NFASC: variants seen among roughly 807,000 people sequenced by gnomAD.
NFASC encodes neurofascin.
A neutral mutation model predicts 147.5 loss-of-function variants in NFASC; 43 were observed. The ratio of observed to expected loss-of-function variants is 0.29; its 90% CI spans 0.23 to 0.38. The LOEUF is 0.38. NFASC is among the 10% of genes least tolerant of loss of function. NFASC has a pLI of 1.00. For synonymous variants in NFASC, 622 were observed against 665.5 expected (o/e 0.93, Z 1.01); for missense variants, 1,320 against 1,689.0 (o/e 0.78, Z 3.83).
At chr1:204,845,621 G>A (rs1354275791) in intron 1 of NFASC, among the ~76,000 whole-genome samples, 1 of 152,118 alleles carries the variant, frequency 6.6e-6, no homozygotes, top group Admixed American at 6.5e-5. Context: ...TGAAACTCTG[G>A]CCAGGCATGG....
chr1:204,882,933 G>A (rs930171304), intron 1 of NFASC, among the ~76,000 whole-genome samples: 1 of 152,106 alleles, frequency 6.6e-6, no homozygotes, highest in African/African-American at 2.4e-5. Flanking sequence ...GCTCATGGGA[G>A]TCTGGGAGGT....
At chr1:204,982,155 G>T in intron 21 of NFASC, 135 bp downstream of exon 21, 1 of 533,254 alleles carries the variant, frequency 1.9e-6, no homozygotes. Context: ...GTTCTGTAGT[G>T]ACCTAGAGCA....
In NFASC at chr1:204,828,705, A is replaced by G; in HGVS notation, c.-277A>G. The G allele has an allele frequency of 2.0e-6, 2 of 985,008 alleles. No homozygotes were observed. Among genetic ancestry groups the G allele is most frequent in the Non-Finnish European group, 2.4e-6 (2 of 829,860 alleles). The allele number at this position is 985,008 out of a possible 1,614,324, so 61.0% of individuals were successfully genotyped here. A position where few individuals can be genotyped will look rare whatever the true frequency, so the allele number is the denominator to read the frequency against. On this transcript the variant is annotated 5_prime_UTR_variant, in exon 1 of 30. Coordinates refer to ENST00000339876, the MANE Select transcript of NFASC (RefSeq NM_001005388.3). ...GGCGGCTGGCGGCGAGAGGCGCTGC[A>G]GGGGACGCGGGGGAAGTGGCGGCGC...
chr1:204,951,136 CG>C (rs1000234949), intron 4 of NFASC, among the ~76,000 whole-genome samples: 1 of 149,664 alleles, frequency 6.7e-6, no homozygotes, highest in African/African-American at 2.5e-5. Flanking sequence ...AGTTTCTCCT[CG>C]GGATGCTATG....
intron 3 of NFASC, chr1:204,946,635 A>G (rs1254770018): frequency 7.9e-6 from 4 of 504,494 alleles, no homozygotes; most frequent in East Asian, 5.6e-5. Flanking sequence ...GGCCGAGGCC[A>G]TCTCCTGGGC....
chr1:204,971,161 C>T lies in NFASC; in HGVS notation c.1135+414C>T, dbSNP rs569881783. Among the ~76,000 whole-genome samples the T allele has an allele frequency of 3.3e-5, 5 of 152,188 alleles. No individual in the cohort carries two copies. The Middle Eastern group carries it at 0.01, about 311-fold the overall frequency. ...AACCCATTGTTGGTTACTCAAGTTC[C>T]GCTCTCTGCTAAGGGCAAAAGAAGA... On this transcript the variant is annotated intron_variant, in intron 11 of 29. Coordinates refer to ENST00000339876, the MANE Select transcript of NFASC (RefSeq NM_001005388.3).
chr1:204,956,476 A>G (rs2094437516), intron 7 of NFASC, among the ~76,000 whole-genome samples: 1 of 152,190 alleles, frequency 6.6e-6, no homozygotes, highest in African/African-American at 2.4e-5. Flanking sequence ...TCCTGGTATA[A>G]GATATGCAGG....
At chr1:204,977,227 T>C (rs1323771334) in intron 16 of NFASC, 1 of 525,296 alleles carries the variant, frequency 1.9e-6, no homozygotes, top group Non-Finnish European at 2.6e-6. Context: ...TTTGGTAGCG[T>C]TTCATCACAT....
At chr1:204,938,424 T>C (rs528850718) in intron 2 of NFASC, among the ~76,000 whole-genome samples, 1 of 152,340 alleles carries the variant, frequency 6.6e-6, no homozygotes, top group East Asian at 1.9e-4. Flanking sequence ...TACATAGGAA[T>C]TGTGTGATAA....
chr1:204,829,632 C>T (rs1199152405), intron 1 of NFASC, among the ~76,000 whole-genome samples: 1 of 152,138 alleles, frequency 6.6e-6, no homozygotes, highest in Non-Finnish European at 1.5e-5. Context: ...CACTCTACTC[C>T]TCTAGCTGTT....
intron 1 of NFASC, among the ~76,000 whole-genome samples, chr1:204,892,516 C>T (rs2082607569): frequency 6.6e-6 from 1 of 152,240 alleles, no homozygotes; most frequent in Non-Finnish European, 1.5e-5. Context: ...CTGACATGCA[C>T]TGCTGTCAGC....
At chr1:204,913,190 T>G (rs2088137233) in intron 1 of NFASC, among the ~76,000 whole-genome samples, 3 of 152,140 alleles carry the variant, frequency 2.0e-5, no homozygotes, top group Non-Finnish European at 4.4e-5. Context: ...TAAAATGAAA[T>G]TGAAGAATTC....
At chr1:204,850,048 G>A (rs112942458) in intron 1 of NFASC, among the ~76,000 whole-genome samples, 8 of 152,138 alleles carry the variant, frequency 5.3e-5, no homozygotes, top group Non-Finnish European at 1.0e-4. Context: ...ACCTTCTCCC[G>A]AGGGGCACAC....
intron 8 of NFASC, chr1:204,962,286 C>T: frequency 1.3e-6 from 1 of 764,268 alleles, no homozygotes; most frequent in Non-Finnish European, 2.2e-6. Flanking sequence ...CAAGGTGACA[C>T]CTCCAGAAGG....
intron 23 of NFASC, chr1:204,990,245 A>G (rs1159702090): frequency 2.0e-5 from 3 of 152,218 alleles, no homozygotes; most frequent in Admixed American, 1.3e-4. Context: ...GCCCCTGGGC[A>G]CTCGGGAAGT....
chr1:204,968,499 A>G lies in NFASC; in HGVS notation c.818+139A>G. On this transcript the variant is annotated intron_variant, in intron 9 of 29. Coordinates refer to ENST00000339876, the MANE Select transcript of NFASC (RefSeq NM_001005388.3). This position sits in a 1 kb window ranked among gnomAD's most constrained non-coding sequence, Gnocchi z 5.4. ...GAGAAGCAAACAGCCTCTAGTGAGC[A>G]GGGTGTTGCAAACCATAGTCATCTC... 1.5e-6 allele frequency: 1 copy of G among 663,122 alleles called. No homozygotes were observed. The highest frequency in any genetic ancestry group is 2.6e-6 in the Non-Finnish European group (1 of 380,276). The allele number at this position is 663,122 out of a possible 1,614,324, so 41.1% of individuals were successfully genotyped here. A position where few individuals can be genotyped will look rare whatever the true frequency, so the allele number is the denominator to read the frequency against.
chr1:204,984,584 C>T (rs1288811802), intron 21 of NFASC, among the ~76,000 whole-genome samples: 2 of 152,064 alleles, frequency 1.3e-5, no homozygotes, highest in Admixed American at 1.3e-4. Context: ...TACTCCCCTC[C>T]CCTCTCCCAA....
intron 8 of NFASC, among the ~76,000 whole-genome samples, chr1:204,961,841 T>G (rs2094687253): frequency 6.6e-6 from 1 of 152,264 alleles, no homozygotes. Context: ...CAAACCTAAT[T>G]TCTTTAATTT....
At chr1:204,895,033 C>T (rs1051352108) in intron 1 of NFASC, among the ~76,000 whole-genome samples, 5 of 152,190 alleles carry the variant, frequency 3.3e-5, no homozygotes, top group African/African-American at 1.2e-4. Context: ...AATCTTTTTA[C>T]TGCTGGAATG....
Sources: allele counts gnomAD v4.1 joint callset (sites outside exome capture counted in the v4.1 genomes callset), GRCh38; gene constraint gnomAD v4.1.1; non-coding constraint Gnocchi (gnomAD v3.1); transcripts MANE v1.5; gene names NCBI Gene and HGNC (gene_info 2026-07-23, HGNC 2026-07-21).